Variants in EVI2A observed in about 807,000 individuals in gnomAD.
EVI2A encodes the protein protein EVI2A.
Under a neutral mutation model 13.0 loss-of-function variants are expected in EVI2A, and 11 were observed. The observed-to-expected ratio is 0.85, with a 90% CI of 0.53 to 1.40. EVI2A has a LOEUF of 1.40. Ranked by LOEUF, EVI2A falls within the 40% of genes most tolerant of loss-of-function variation. The pLI, the probability that EVI2A is intolerant of heterozygous loss-of-function variation, is 0.00. For synonymous variants in EVI2A, 89 were observed against 98.0 expected (o/e 0.91, Z 0.54); for missense variants, 267 against 279.5 (o/e 0.96, Z 0.32).
At position 31,319,001 on chromosome 17, in the gene EVI2A, T is replaced by C. The variant is rs1756788692; in HGVS notation, c.13A>G (p.Met5Val). The change falls in exon 2 of 2, where the codon ATG becomes GTG. Residue 5 changes from methionine (M) to valine (V), a missense_variant. By Grantham distance (21) the Met-to-Val change is conservative. Transcript: ENST00000462804. ...TGTAGGTAATGTCCTGTGTGTTCCA[T>C]GTCCGTGGGCATGCTTGGCAATCTG... MPTDMEHTGHYLHLA... is the reference protein window; with the variant it reads MPTDVEHTGHYLHLA... 6.2e-7 allele frequency: 1 copy of C among 1,604,164 alleles called. No homozygotes were observed. Among genetic ancestry groups the C allele is most frequent in the South Asian group, 1.1e-5 (1 of 90,162 alleles).
chr17:31,318,579 A>G lies in EVI2A; in HGVS notation c.435T>C (p.Leu145=). The G allele has an allele frequency of 6.2e-7, 1 of 1,614,076 alleles. No homozygotes were observed. Among genetic ancestry groups the G allele is most frequent in the Non-Finnish European group, 8.5e-7 (1 of 1,180,000 alleles). Residue 145 remains leucine (L), a synonymous_variant, in exon 2 of 2, where the codon CTT becomes CTC. Coordinates refer to ENST00000462804, the MANE Select transcript of EVI2A (RefSeq NM_014210.4). Reference sequence around the variant, plus strand: ...GAAATAGAAAGGTACAGATAAGAAAAAGCACTGCAATTATAATTAAGCAAA... The same window carrying G: ...GAAATAGAAAGGTACAGATAAGAAAGAGCACTGCAATTATAATTAAGCAAA... The part of the protein sequence containing the change: ...MLICLIIIAV[L]FLICTFLFLS...
chr17:31,320,573 G>A (rs1290003667), intron 1 of EVI2A: 1 of 648,966 alleles, frequency 1.5e-6, no homozygotes, highest in East Asian at 2.7e-5. Flanking sequence ...GCAAACAAAA[G>A]TAGCATGTAA....
At chr17:31,319,102 G>A in intron 1 of EVI2A, 79 bp from the exon 2 acceptor site, 1 of 1,408,570 alleles carries the variant, frequency 7.1e-7, no homozygotes, top group Non-Finnish European at 9.5e-7. Flanking sequence ...TTAAAAGATA[G>A]TGTTGAGATG....
chr17:31,320,359 A>G (rs1567894115), intron 1 of EVI2A: 9 of 1,547,808 alleles, frequency 5.8e-6, no homozygotes, highest in Admixed American at 4.2e-5. Context: ...AAAAAAAAAA[A>G]GGCAGATTCT....
intron 1 of EVI2A, chr17:31,320,362 C>T (rs1300888473): frequency 4.6e-6 from 7 of 1,522,882 alleles, no homozygotes; most frequent in Admixed American, 2.2e-5. Context: ...AAAAAAAAGG[C>T]AGATTCTTAC....
rs916374555 is a variant in EVI2A, at chr17:31,317,862, GCTCT to G, written c.*437_*440del. ...AGATACCATTAAATTACACAGTTTA[GCTCT>G]CTCTATCTATGCATTAGGAATTTGA... On this transcript the variant is annotated 3_prime_UTR_variant, in exon 2 of 2. Coordinates refer to ENST00000462804, the MANE Select transcript of EVI2A (RefSeq NM_014210.4). The G allele has an allele frequency of 6.3e-5, 10 of 159,912 alleles. No individual in the cohort carries two copies. Among genetic ancestry groups the G allele is most frequent in the African/African-American group, 1.2e-4 (5 of 41,510 alleles). 9.9% of individuals were successfully genotyped at this position (159,912 alleles called of 1,614,324 possible).
At position 31,316,542 on chromosome 17, in the gene EVI2A, GAC is replaced by G. The variant is rs1286094935; in HGVS notation, c.*1759_*1760del. On this transcript the variant is annotated 3_prime_UTR_variant, in exon 2 of 2. Transcript: ENST00000462804. ...ATATTAATTTCTTTTAATTTTCTCT[GAC>G]ACGTGTTTATTTATGACCCTTGATT... Among the ~76,000 whole-genome samples the G allele has an allele frequency of 6.6e-6, 1 of 152,046 alleles. No homozygotes were observed. The highest frequency in any genetic ancestry group is 2.4e-5 in the African/African-American group (1 of 41,380).
intron 1 of EVI2A, chr17:31,320,986 T>C (rs970310023): frequency 6.6e-6 from 1 of 152,262 alleles, no homozygotes; most frequent in East Asian, 1.9e-4. Flanking sequence ...CTGCTGTTGA[T>C]TGTCTTCAGC....
rs779017654 is a variant in EVI2A, at chr17:31,319,038, A to G, written c.-10-15T>C. The G allele has an allele frequency of 2.0e-5, 31 of 1,562,530 alleles. No homozygotes were observed. The highest frequency in any genetic ancestry group is 6.7e-5 in the East Asian group (3 of 44,552). On this transcript the variant is annotated splice_polypyrimidine_tract_variant and intron_variant, in intron 1 of 1. Transcript: ENST00000462804. ...TGCTTGGCAATCTGTTGGGATAGCAATATAATTTGTTAGTTTGTGAAAGAA... is the reference window on the plus strand; with the variant it reads ...TGCTTGGCAATCTGTTGGGATAGCAGTATAATTTGTTAGTTTGTGAAAGAA...
rs1475675917 is a variant in EVI2A, at chr17:31,317,041, A to G, written c.*1262T>C. Among the ~76,000 whole-genome samples the G allele has an allele frequency of 6.6e-6, 1 of 152,178 alleles. No individual in the cohort carries two copies. Among genetic ancestry groups the G allele is most frequent in the Non-Finnish European group, 1.5e-5 (1 of 68,038 alleles). ...TAAAAACTCTTCAGGTGATTCTGAC[A>G]TGCAGCCAGGGTAAGAATCACTAGC... On this transcript the variant is annotated 3_prime_UTR_variant, in exon 2 of 2. Transcript: ENST00000462804.
intron 1 of EVI2A, chr17:31,320,225 A>G: frequency 1.8e-6 from 1 of 554,792 alleles, no homozygotes; most frequent in Non-Finnish European, 3.0e-6. Context: ...ATTTATTTGA[A>G]TGAACTAAAA....
At position 31,318,973 on chromosome 17, in the gene EVI2A, A is replaced by G. The variant is rs1380417486; in HGVS notation, c.41T>C (p.Leu14Pro). 2 of 1,612,716 alleles carry G rather than the reference A, an allele frequency of 1.2e-6. No homozygotes were observed. The highest frequency in any genetic ancestry group is 1.1e-5 in the South Asian group (1 of 91,072). ...DMEHTGHYLH[L>P]AFLMTTVFSL... ...AAAAACTGTTGTCATCAGAAAGGCA[A>G]GATGTAGGTAATGTCCTGTGTGTTC... Residue 14 changes from leucine to proline, a missense_variant, in exon 2 of 2, where the codon CTT (leucine) becomes CCT (proline). Leu to Pro is a moderately conservative substitution (Grantham distance 98). Transcript: ENST00000462804.
rs772569534 is a variant in EVI2A, at chr17:31,318,576, A to C, written c.438T>G (p.Phe146Leu). ...ATAGAAATAGAAAGGTACAGATAAG[A>C]AAAAGCACTGCAATTATAATTAAGC... ...LICLIIIAVL[F>L]LICTFLFLST... The change falls in exon 2 of 2, where the codon TTT (phenylalanine) becomes TTG (leucine). Residue 146 changes from phenylalanine (F) to leucine (L), a missense_variant. Coordinates refer to ENST00000462804, the MANE Select transcript of EVI2A (RefSeq NM_014210.4). The C allele has an allele frequency of 6.8e-6, 11 of 1,614,138 alleles. No homozygotes were observed. In the Admixed American group the frequency reaches 1.8e-4, roughly 27 times the overall value.
At chr17:31,321,249 T>C (rs1906529961) in intron 1 of EVI2A, among the ~76,000 whole-genome samples, 2 of 152,200 alleles carry the variant, frequency 1.3e-5, no homozygotes, top group Non-Finnish European at 2.9e-5. Flanking sequence ...ACATTTCCAG[T>C]TTACTTGAGG....
At chr17:31,320,092 GAAT>G (rs1268650681) in intron 1 of EVI2A, among the ~76,000 whole-genome samples, 1 of 152,012 alleles carries the variant, frequency 6.6e-6, no homozygotes, top group African/African-American at 2.4e-5. Context: ...GCATATCTTA[GAAT>G]TTAACAGTTC....
chr17:31,318,575 GA>G lies in EVI2A; in HGVS notation c.438del (p.Ile148SerfsTer25). On this transcript the variant is annotated frameshift_variant, in exon 2 of 2. Transcript: ENST00000462804. LOFTEE classifies it high-confidence loss of function. ...LICLIIIAVL[F>X]LICTFLFLST... ...GATAGAAATAGAAAGGTACAGATAA[GA>G]AAAAGCACTGCAATTATAATTAAGC... The G allele has an allele frequency of 2.5e-6, 4 of 1,614,070 alleles. No homozygotes were observed. The highest frequency in any genetic ancestry group is 3.4e-6 in the Non-Finnish European group (4 of 1,179,996).
chr17:31,320,428 A>G, intron 1 of EVI2A: 2 of 1,611,386 alleles, frequency 1.2e-6, no homozygotes, highest in Non-Finnish European at 1.7e-6. Context: ...CTCCTAAGCA[A>G]CATGGATGCC....
intron 1 of EVI2A, among the ~76,000 whole-genome samples, chr17:31,320,185 T>A (rs1483749637): frequency 6.6e-6 from 1 of 152,170 alleles, no homozygotes; most frequent in African/African-American, 2.4e-5. Flanking sequence ...TGTCTTGAGC[T>A]ACTTTTGAAA....
At position 31,317,401 on chromosome 17, in the gene EVI2A, A is replaced by ACACACACACC. The variant is rs2069050840; in HGVS notation, c.*901_*902insGGTGTGTGTG. Among the ~76,000 whole-genome samples, 1 of 149,320 alleles carries ACACACACACC rather than the reference A, an allele frequency of 6.7e-6. No individual in the cohort carries two copies. The highest frequency in any genetic ancestry group is 1.5e-5 in the Non-Finnish European group (1 of 67,612). ...CACACACACACACACACACACACACACACCCCTAATAAATCATTAGGCTAC... is the reference window on the plus strand; with the variant it reads ...CACACACACACACACACACACACACACACACACACCCACCCCTAATAAATCATTAGGCTAC... On this transcript the variant is annotated 3_prime_UTR_variant, in exon 2 of 2. Coordinates refer to ENST00000462804, the MANE Select transcript of EVI2A (RefSeq NM_014210.4).
Sources: gnomAD v4.1 joint callset for allele counts (sites outside exome capture counted in the v4.1 genomes callset) on GRCh38, gnomAD v4.1.1 for gene constraint, MANE v1.5 for transcripts, NCBI Gene and HGNC (gene_info 2026-07-23, HGNC 2026-07-21) for gene names.